The following MGST2 variants were observed in gnomAD, a reference collection of about 807,000 sequenced individuals.
MGST2 encodes microsomal glutathione S-transferase 2.
In MGST2, 9 loss-of-function variants were observed where a neutral mutation model predicts 16.6. The ratio of observed to expected loss-of-function variants is 0.54; its 90% CI spans 0.33 to 0.95. The LOEUF (loss-of-function observed/expected upper bound fraction) is 0.95. MGST2 is among the 40% of genes least tolerant of loss of function. The probability of loss-of-function intolerance (pLI) is 0.03; values close to 1 mark genes in which losing one functional copy is unlikely to be tolerated. For missense variants in MGST2, 159 were observed against 175.1 expected, an observed-to-expected ratio of 0.91 and a Z score of 0.52; for synonymous variants, 79 against 68.0, an observed-to-expected ratio of 1.16 and a Z score of -0.79.
At chr4:139,719,188 A>G (rs1253348316) in intron 5 of MGST2, 12 of 1,019,264 alleles carry the variant, frequency 1.2e-5, no homozygotes, top group Non-Finnish European at 1.7e-5. Flanking sequence ...TGGATCTTCC[A>G]TTGTCAGCCA....
chr4:139,696,130 A>G (rs928686810), intron 3 of MGST2, among the ~76,000 whole-genome samples: 3 of 152,230 alleles, frequency 2.0e-5, no homozygotes, highest in Non-Finnish European at 4.4e-5. Flanking sequence ...AAAGGTCTTC[A>G]TCCTCATCAT....
At chr4:139,720,148 C>T (rs1209374740) in intron 5 of MGST2, 9 of 1,613,926 alleles carry the variant, frequency 5.6e-6, no homozygotes, top group Non-Finnish European at 7.6e-6. Flanking sequence ...GGCTGGTAGG[C>T]GTGGTGCTAT....
downstream of MGST2, among the ~76,000 whole-genome samples, chr4:139,706,276 C>A (rs1224102087): frequency 6.6e-6 from 1 of 152,026 alleles, no homozygotes; most frequent in Non-Finnish European, 1.5e-5. Flanking sequence ...GACAAGGCAC[C>A]CCATCAGTAG....
intron 3 of MGST2, among the ~76,000 whole-genome samples, chr4:139,702,194 C>G (rs868695402): frequency 3.3e-5 from 5 of 152,068 alleles, no homozygotes; most frequent in Admixed American, 2.0e-4. Flanking sequence ...TTTCATAATT[C>G]TTTTTGAGAT....
At chr4:139,674,258 A>G (rs1465520082) in intron 1 of MGST2, among the ~76,000 whole-genome samples, 2 of 152,236 alleles carry the variant, frequency 1.3e-5, no homozygotes, top group East Asian at 3.8e-4. Flanking sequence ...ACATTGGTTC[A>G]GTCCGGAAAG....
At chr4:139,710,015 GA>G (rs1727678013) in intron 5 of MGST2, among the ~76,000 whole-genome samples, 1 of 152,198 alleles carries the variant, frequency 6.6e-6, no homozygotes, top group African/African-American at 2.4e-5. Flanking sequence ...AAATCAAAAA[GA>G]AAATTAAAAG....
chr4:139,709,565 T>C (rs1430916687), intron 5 of MGST2, among the ~76,000 whole-genome samples: 1 of 152,236 alleles, frequency 6.6e-6, no homozygotes, highest in East Asian at 1.9e-4. Flanking sequence ...TTCTGCGAAA[T>C]ATATATGTGA....
At chr4:139,713,206 C>T (rs1300836769) in intron 5 of MGST2, among the ~76,000 whole-genome samples, 5 of 152,090 alleles carry the variant, frequency 3.3e-5, no homozygotes, top group Non-Finnish European at 5.9e-5. Flanking sequence ...TCTCAAAATG[C>T]AAAGTAATTT....
At chr4:139,693,073 CAAT>C (rs1219552939) in intron 2 of MGST2, among the ~76,000 whole-genome samples, 2 of 152,150 alleles carry the variant, frequency 1.3e-5, no homozygotes, top group African/African-American at 4.8e-5. Context: ...TATTACAAAA[CAAT>C]AAATGATGGG....
the MGST2 span, among the ~76,000 whole-genome samples, chr4:139,751,290 TA>T: frequency 6.6e-6 from 1 of 152,228 alleles, no homozygotes; most frequent in East Asian, 1.9e-4. Flanking sequence ...TTATCCAAAA[TA>T]TTTGGGATCA....
chr4:139,716,735 A>G (rs1352816825), intron 5 of MGST2: 1 of 152,488 alleles, frequency 6.6e-6, no homozygotes, highest in Non-Finnish European at 1.5e-5. Flanking sequence ...AGGATCTTAA[A>G]ATAAACTATA....
intron 5 of MGST2, among the ~76,000 whole-genome samples, chr4:139,736,623 C>T (rs934387447): frequency 6.6e-6 from 1 of 152,156 alleles, no homozygotes; most frequent in Non-Finnish European, 1.5e-5. Flanking sequence ...CCAGTATGGG[C>T]AATTTGGGAA....
downstream of MGST2, among the ~76,000 whole-genome samples, chr4:139,741,897 A>G (rs1729178594): frequency 6.6e-6 from 1 of 152,200 alleles, no homozygotes; most frequent in African/African-American, 2.4e-5. Flanking sequence ...AAAACGCCCT[A>G]TTGTCATTTC....
Position 139,695,248 on chromosome 4 carries a change from TG to T in MGST2, c.213del (p.Trp72GlyfsTer39), listed in dbSNP as rs1443839798. On this transcript the variant is annotated frameshift_variant, in exon 3 of 5. Coordinates refer to ENST00000265498, the MANE Select transcript of MGST2 (RefSeq NM_002413.5). LOFTEE classifies it high-confidence loss of function. ...PIFIITLWMA[G>X]WYFNQVFATC... The stretch of plus-strand genomic sequence containing the variant: ...TATTCATAATTACATTGTGGATGGC[TG>T]GGTGGTATTTCAACCAAGGTAATGT... 1.9e-6 allele frequency: 3 copies of T among 1,612,862 alleles called. No homozygotes were observed. The highest frequency in any genetic ancestry group is 1.3e-5 in the African/African-American group (1 of 74,918).
At chr4:139,691,804 T>A (rs947318435) in intron 2 of MGST2, among the ~76,000 whole-genome samples, 1 of 152,114 alleles carries the variant, frequency 6.6e-6, no homozygotes, top group Non-Finnish European at 1.5e-5. Flanking sequence ...GCTCACACCA[T>A]TCTCCTGCCT....
intron 3 of MGST2, among the ~76,000 whole-genome samples, chr4:139,698,740 G>A (rs142142251): frequency 4.6e-5 from 7 of 152,160 alleles, no homozygotes; most frequent in African/African-American, 1.7e-4. Flanking sequence ...CCCCCTGCTG[G>A]TGTAGCTGCA....
chr4:139,693,213 C>T (rs1009866535), intron 2 of MGST2, among the ~76,000 whole-genome samples: 12 of 151,178 alleles, frequency 7.9e-5, no homozygotes, highest in East Asian at 5.8e-4. Context: ...GTCAGGAGAT[C>T]GAGACCACGA....
rs1726850224 is a variant in MGST2, at chr4:139,695,228, A to G, written c.190A>G (p.Ile64Val). ...QNCVEFYPIF[I>V]ITLWMAGWYF... ...CTGTGTGGAGTTTTATCCTATATTC[A>G]TAATTACATTGTGGATGGCTGGGTG... is the stretch of plus-strand genomic sequence containing the variant. The change falls in exon 3 of 5, where the codon ATA becomes GTA. Residue 64 changes from isoleucine (I) to valine (V), a missense_variant. Transcript: ENST00000265498. 1.9e-6 allele frequency: 3 copies of G among 1,613,460 alleles called. No homozygotes were observed. Among genetic ancestry groups the G allele is most frequent in the South Asian group, 2.2e-5 (2 of 91,070 alleles).
intron 2 of MGST2, 46 bp downstream of exon 2, chr4:139,678,688 C>T (rs988954704): frequency 5.6e-6 from 8 of 1,423,948 alleles, no homozygotes; most frequent in Admixed American, 1.7e-5. Context: ...GCCTGCCATA[C>T]AGACACAATT....
Sources: gnomAD v4.1 joint callset for allele counts (sites outside exome capture counted in the v4.1 genomes callset) on GRCh38, gnomAD v4.1.1 for gene constraint, MANE v1.5 for transcripts, NCBI Gene and HGNC (gene_info 2026-07-23, HGNC 2026-07-21) for gene names.